Variants in MACROD2 observed in about 807,000 individuals in gnomAD.
MACROD2 encodes the protein mono-ADP ribosylhydrolase 2.
A neutral mutation model predicts 70.4 loss-of-function variants in MACROD2; 36 were observed. The ratio of observed to expected loss-of-function variants is 0.51; its 90% CI spans 0.39 to 0.68. The LOEUF (loss-of-function observed/expected upper bound fraction) is 0.68, where lower values mean the gene tolerates loss of function less well. Ranked by LOEUF, MACROD2 falls within the 30% of genes least tolerant of loss-of-function variation. MACROD2 has a pLI of 0.00. For missense variants in MACROD2, 496 were observed against 538.4 expected (o/e 0.92, Z 0.78); for synonymous variants, 172 against 178.8 (o/e 0.96, Z 0.30).
intron 5 of MACROD2, among the ~76,000 whole-genome samples, chr20:14,930,760 G>C (rs187097): frequency 0.65 from 81,896 of 125,432 alleles, 26,732 homozygotes; most frequent in East Asian, 0.89. Flanking sequence ...TAGGGAGAGC[G>C]TGTCTTAAAA....
chr20:15,453,182 G>A (rs1415893970), intron 7 of MACROD2, among the ~76,000 whole-genome samples: 1 of 151,772 alleles, frequency 6.6e-6, no homozygotes, highest in African/African-American at 2.4e-5. Flanking sequence ...AAAGAATACA[G>A]CTGAAGGGAT....
chr20:14,227,945 T>TA (rs1473573514), intron 3 of MACROD2, among the ~76,000 whole-genome samples: 4 of 152,130 alleles, frequency 2.6e-5, no homozygotes, highest in Non-Finnish European at 5.9e-5. Flanking sequence ...AATACCATTT[T>TA]AAAAAATTAA....
intron 10 of MACROD2, among the ~76,000 whole-genome samples, chr20:15,926,314 A>G (rs2065489011): frequency 6.6e-6 from 1 of 152,162 alleles, no homozygotes; most frequent in Non-Finnish European, 1.5e-5. Flanking sequence ...TCATTTGTGA[A>G]CTATCCAGAC....
At chr20:14,312,417 C>G (rs1476593772) in intron 3 of MACROD2, among the ~76,000 whole-genome samples, 1 of 152,154 alleles carries the variant, frequency 6.6e-6, no homozygotes, top group African/African-American at 2.4e-5. Context: ...GAGAAAACTG[C>G]TCTCCTACTT....
In MACROD2 at chr20:15,331,148, A is replaced by C. The variant is rs184574307; in HGVS notation, c.541-100257A>C. Among the ~76,000 whole-genome samples, 137 of 151,866 alleles carry C rather than the reference A, an allele frequency of 9.0e-4. 8 individuals carry two copies. Among genetic ancestry groups the C allele is most frequent in the African/African-American group, 3.2e-3 (132 of 41,182 alleles). On this transcript the variant is annotated intron_variant, in intron 6 of 17. Coordinates refer to ENST00000684519, the MANE Select transcript of MACROD2 (RefSeq NM_001351661.2). ...TTCATAAGTTTGGAACAGGGGATGC[A>C]TTTGATTTACTCTTCTACAACTTTC...
chr20:15,290,278 C>T (rs931431908), intron 6 of MACROD2, among the ~76,000 whole-genome samples: 3 of 152,134 alleles, frequency 2.0e-5, no homozygotes, highest in African/African-American at 7.2e-5. Flanking sequence ...AACAAAATGG[C>T]TTTGCTATCT....
At chr20:14,212,688 T>A (rs893216839) in intron 3 of MACROD2, among the ~76,000 whole-genome samples, 1 of 151,828 alleles carries the variant, frequency 6.6e-6, no homozygotes, top group African/African-American at 2.4e-5. Context: ...TTGATTTCTG[T>A]AGTCCCTGTC....
At chr20:14,683,823 T>G (rs1410650405) in intron 4 of MACROD2, among the ~76,000 whole-genome samples, 1 of 152,168 alleles carries the variant, frequency 6.6e-6, no homozygotes, top group Non-Finnish European at 1.5e-5. Flanking sequence ...CACATTCCAG[T>G]TACTACTACT....
chr20:14,305,194 C>A (rs2082509518), intron 3 of MACROD2, among the ~76,000 whole-genome samples: 1 of 152,140 alleles, frequency 6.6e-6, no homozygotes, highest in Non-Finnish European at 1.5e-5. Context: ...ATGATCACCA[C>A]TTTAGGGAGG....
intron 5 of MACROD2, among the ~76,000 whole-genome samples, chr20:14,865,227 G>A (rs186850978): frequency 6.6e-5 from 10 of 152,194 alleles, no homozygotes; most frequent in African/African-American, 9.6e-5. Context: ...CCTTGGCAAC[G>A]TCTCTGCCTC....
chr20:14,713,145 A>C (rs1476688715), intron 5 of MACROD2, among the ~76,000 whole-genome samples: 1 of 152,134 alleles, frequency 6.6e-6, no homozygotes, highest in Non-Finnish European at 1.5e-5. Flanking sequence ...AAATGCGTGC[A>C]TGGGTACATG....
rs1413554875 is a variant in MACROD2, at chr20:15,851,301, G to A, written c.646-11444G>A. ...GCTCAGGAGTGGGGAAAGTGTCTTA[G>A]TCTACTCAGGCTGCCATCATAAAGT... On this transcript the variant is annotated intron_variant, in intron 8 of 17. Transcript: ENST00000684519. Among the ~76,000 whole-genome samples, 3 of 151,832 alleles carry A rather than the reference G, an allele frequency of 2.0e-5. 1 individual carries two copies. Among genetic ancestry groups the A allele is most frequent in the South Asian group, 4.2e-4 (2 of 4,764 alleles).
intron 5 of MACROD2, among the ~76,000 whole-genome samples, chr20:14,837,601 GTAC>G (rs1053200041): frequency 7.9e-5 from 12 of 152,074 alleles, no homozygotes; most frequent in African/African-American, 2.6e-4. Context: ...GTCTGAGATG[GTAC>G]TACAACAGGC....
chr20:15,656,236 TCTC>T (rs1469482524), intron 8 of MACROD2, among the ~76,000 whole-genome samples: 1 of 152,204 alleles, frequency 6.6e-6, no homozygotes, highest in Non-Finnish European at 1.5e-5. Context: ...GCAGAATGCT[TCTC>T]CTTTTGATAA....
chr20:14,612,980 G>C (rs999829195), intron 4 of MACROD2, among the ~76,000 whole-genome samples: 17 of 151,796 alleles, frequency 1.1e-4, no homozygotes, highest in African/African-American at 4.1e-4. Context: ...AAATATTCTG[G>C]GCTCTGTGTA....
At chr20:15,238,324 G>A (rs956063077) in intron 6 of MACROD2, among the ~76,000 whole-genome samples, 5 of 152,138 alleles carry the variant, frequency 3.3e-5, no homozygotes, top group Non-Finnish European at 5.9e-5. Flanking sequence ...GAAAGTGAAT[G>A]TAATGCTTAG....
intron 8 of MACROD2, among the ~76,000 whole-genome samples, chr20:15,616,939 T>C (rs2049047735): frequency 6.6e-6 from 1 of 152,228 alleles, no homozygotes; most frequent in Admixed American, 6.5e-5. Context: ...ATGCTTTTCC[T>C]TCTGTTCAGG....
At position 14,954,808 on chromosome 20, in the gene MACROD2, T is replaced by G. The variant is rs1243701106; in HGVS notation, c.418+269849T>G. Among the ~76,000 whole-genome samples, 264 of 119,006 alleles carry G rather than the reference T, an allele frequency of 2.2e-3. 3 individuals carry two copies. The highest frequency in any genetic ancestry group is 8.4e-3 in the African/African-American group (247 of 29,498). 78.1% of individuals were successfully genotyped at this position (119,006 alleles called of 152,430 possible). ...AAATATATAAATATATAAATAAATTTTATATAATATAAATTATAAATATAT... is the reference window on the plus strand; with the variant it reads ...AAATATATAAATATATAAATAAATTGTATATAATATAAATTATAAATATAT... On this transcript the variant is annotated intron_variant, in intron 5 of 17. Transcript: ENST00000684519.
intron 5 of MACROD2, among the ~76,000 whole-genome samples, chr20:14,762,510 A>G (rs942486801): frequency 5.3e-5 from 8 of 152,290 alleles, no homozygotes; most frequent in African/African-American, 1.9e-4. Flanking sequence ...CCTTTTGATC[A>G]TAGGATTGGA....
Sources: allele counts gnomAD v4.1 joint callset (sites outside exome capture counted in the v4.1 genomes callset), GRCh38; gene constraint gnomAD v4.1.1; transcripts MANE v1.5; gene names NCBI Gene and HGNC (gene_info 2026-07-23, HGNC 2026-07-21).